Variants in HMCN1 observed in about 807,000 individuals in gnomAD.
HMCN1 encodes the protein hemicentin 1.
HMCN1 carries 321 observed loss-of-function variants against 625.9 expected under a neutral mutation model. The ratio of observed to expected loss-of-function variants is 0.51; its 90% CI spans 0.47 to 0.56. HMCN1 has a LOEUF of 0.56. Ranked by LOEUF, HMCN1 falls within the 20% of genes least tolerant of loss-of-function variation. The probability of loss-of-function intolerance (pLI) is 0.00; values close to 1 mark genes in which losing one functional copy is unlikely to be tolerated. For missense variants in HMCN1, 6,588 were observed against 6,887.3 expected (o/e 0.96, Z 1.54); for synonymous variants, 2,425 against 2,417.6 (o/e 1.00, Z -0.09).
intron 4 of HMCN1, among the ~76,000 whole-genome samples, chr1:185,897,496 A>G (rs943856064): frequency 5.9e-5 from 9 of 152,258 alleles, no homozygotes; most frequent in African/African-American, 1.7e-4. Context: ...CACTGTACAC[A>G]CACACCAGCT....
chr1:186,183,456 C>A, intron 105 of HMCN1, among the ~76,000 whole-genome samples: 1 of 152,302 alleles, frequency 6.6e-6, no homozygotes, highest in South Asian at 2.1e-4. Context: ...TAATAACTTT[C>A]GCTTTGGGCC....
At chr1:185,828,579 T>A (rs1660664083) in intron 1 of HMCN1, among the ~76,000 whole-genome samples, 1 of 152,164 alleles carries the variant, frequency 6.6e-6, no homozygotes, top group Non-Finnish European at 1.5e-5. Context: ...ATCTAACTGA[T>A]GTATAGAACA....
chr1:185,845,541 A>G (rs538625378), intron 1 of HMCN1, among the ~76,000 whole-genome samples: 52 of 152,164 alleles, frequency 3.4e-4, no homozygotes, highest in Middle Eastern at 3.4e-3. Flanking sequence ...ATTCTTAAAA[A>G]CCTATGGGAT....
intron 46 of HMCN1, among the ~76,000 whole-genome samples, chr1:186,059,142 T>A (rs1380577061): frequency 6.6e-6 from 1 of 151,964 alleles, no homozygotes; most frequent in Non-Finnish European, 1.5e-5. Flanking sequence ...GGTAAAAGGT[T>A]TGTGGTCTCC....
At chr1:186,161,239 C>A (rs1332019232) in intron 97 of HMCN1, among the ~76,000 whole-genome samples, 1 of 151,348 alleles carries the variant, frequency 6.6e-6, no homozygotes, top group Non-Finnish European at 1.5e-5. Flanking sequence ...ACTAGGATTG[C>A]AACCCCTGCC....
At chr1:185,839,827 A>G (rs1289406546) in intron 1 of HMCN1, among the ~76,000 whole-genome samples, 1 of 152,224 alleles carries the variant, frequency 6.6e-6, no homozygotes, top group East Asian at 1.9e-4. Flanking sequence ...ATTTTGTTCA[A>G]TGCATATATT....
rs1189500832 is a variant in HMCN1 at position 186,086,811 on chromosome 1, AGAT to A, written c.9047-402_9047-400del. 6.5e-4 allele frequency among the ~76,000 whole-genome samples: 15 copies of A among 23,114 alleles called. No homozygotes were observed. The East Asian group carries it at 0.014, about 22-fold the overall frequency. 15.2% of individuals were successfully genotyped at this position (23,114 alleles called of 152,430 possible). A position where few individuals can be genotyped will look rare whatever the true frequency, so the allele number is the denominator to read the frequency against. The stretch of plus-strand genomic sequence containing the variant: ...ATAGATAGATGATAGATAGATAGAT[AGAT>A]GATAGATAGATAGATAGATAGATAG... On this transcript the variant is annotated intron_variant, in intron 58 of 106. Coordinates refer to ENST00000271588, the MANE Select transcript of HMCN1 (RefSeq NM_031935.3).
chr1:185,834,750 G>A (rs1211264768), intron 1 of HMCN1, among the ~76,000 whole-genome samples: 1 of 152,116 alleles, frequency 6.6e-6, no homozygotes, highest in African/African-American at 2.4e-5. Context: ...CCGTTTTAGA[G>A]GATGCTTGCC....
At chr1:186,040,979 C>T in intron 39 of HMCN1, 34 bp from the exon 40 acceptor site, 1 of 1,608,426 alleles carries the variant, frequency 6.2e-7, no homozygotes, top group Non-Finnish European at 8.5e-7. Context: ...TTCTCAGAGA[C>T]ATATTGGTTA....
intron 68 of HMCN1, among the ~76,000 whole-genome samples, chr1:186,100,799 C>T (rs1660349540): frequency 6.6e-6 from 1 of 152,102 alleles, no homozygotes; most frequent in Non-Finnish European, 1.5e-5. Flanking sequence ...ATTGGTTCAG[C>T]AGTTCAAATA....
intron 30 of HMCN1, among the ~76,000 whole-genome samples, chr1:186,008,941 A>ATATT (rs1469259331): frequency 6.6e-6 from 1 of 152,200 alleles, no homozygotes; most frequent in African/African-American, 2.4e-5. Context: ...CAAAGAAATT[A>ATATT]TATTTAATAC....
chr1:186,054,698 T>C (rs1205671288), intron 44 of HMCN1, among the ~76,000 whole-genome samples: 4 of 152,008 alleles, frequency 2.6e-5, no homozygotes, highest in East Asian at 1.9e-4. Flanking sequence ...GAGGTTAGCA[T>C]TGGTCACTGG....
intron 1 of HMCN1, among the ~76,000 whole-genome samples, chr1:185,778,081 A>C (rs1392234260): frequency 6.6e-6 from 1 of 152,142 alleles, no homozygotes; most frequent in East Asian, 1.9e-4. Context: ...TGAGTTTCAG[A>C]TCTTCCAGAG....
rs367610817 is a variant in HMCN1, at chr1:185,787,608, C to T, written c.268+52561C>T. Reference sequence around the variant, plus strand: ...CACTTTCATTGTCATTTTCTGGCTCCCCATCTTCCAGCAAGTCCTTATGCT... The same window carrying T: ...CACTTTCATTGTCATTTTCTGGCTCTCCATCTTCCAGCAAGTCCTTATGCT... On this transcript the variant is annotated intron_variant, in intron 1 of 106. Coordinates refer to ENST00000271588, the MANE Select transcript of HMCN1 (RefSeq NM_031935.3). Among the ~76,000 whole-genome samples the T allele has an allele frequency of 1.2e-4, 18 of 152,234 alleles. No homozygotes were observed. The South Asian group carries it at 1.9e-3, about 16-fold the overall frequency.
chr1:185,796,996 C>T (rs7544162), intron 1 of HMCN1, among the ~76,000 whole-genome samples: 13,839 of 152,124 alleles, frequency 0.091, 2,031 homozygotes, highest in African/African-American at 0.31. Context: ...TCTGCATCCT[C>T]GACAACATCT....
chr1:185,757,594 C>T (rs181938817), intron 1 of HMCN1, among the ~76,000 whole-genome samples: 176 of 152,164 alleles, frequency 1.2e-3, no homozygotes, highest in African/African-American at 3.5e-3. Context: ...TATTCAAAAA[C>T]AATTGTCATT....
chr1:185,948,565 A>C (rs11587204), intron 11 of HMCN1, among the ~76,000 whole-genome samples: 5,751 of 150,730 alleles, frequency 0.038, 244 homozygotes, highest in African/African-American at 0.1. Flanking sequence ...CACTTAAGGC[A>C]AGGACCGGCC....
intron 48 of HMCN1, among the ~76,000 whole-genome samples, chr1:186,064,764 C>A (rs1046545012): frequency 9.7e-5 from 13 of 134,576 alleles, no homozygotes; most frequent in African/African-American, 3.4e-4. Context: ...GAGCCGAGAT[C>A]ACACCACTGC....
At chr1:186,063,080 A>G (rs1457330760) in intron 48 of HMCN1, among the ~76,000 whole-genome samples, 2 of 110,016 alleles carry the variant, frequency 1.8e-5, no homozygotes, top group East Asian at 3.5e-4. Context: ...ATATATATAT[A>G]TATATATATA....
Sources: gnomAD v4.1 joint callset for allele counts (sites outside exome capture counted in the v4.1 genomes callset) on GRCh38, gnomAD v4.1.1 for gene constraint, MANE v1.5 for transcripts, NCBI Gene and HGNC (gene_info 2026-07-23, HGNC 2026-07-21) for gene names.